DDIAS: variants seen among roughly 807,000 people sequenced by gnomAD.
The protein encoded by DDIAS is DNA damage-induced apoptosis suppressor protein.
Under a neutral mutation model 15.7 loss-of-function variants are expected in DDIAS, and 14 were observed. That is an observed-to-expected ratio of 0.89 (90% CI 0.59 to 1.39). DDIAS has a LOEUF of 1.39. Among genes scored for constraint, DDIAS ranks in the 40% most tolerant of loss-of-function variants. The pLI is 0.00. For synonymous variants in DDIAS, 355 were observed against 395.9 expected, an observed-to-expected ratio of 0.90 and a Z score of 1.23; for missense variants, 1,035 against 1,130.9, an observed-to-expected ratio of 0.92 and a Z score of 1.22.
intron 3 of DDIAS, among the ~76,000 whole-genome samples, chr11:82,915,575 G>T (rs1165207514): frequency 6.6e-6 from 1 of 152,188 alleles, no homozygotes; most frequent in African/African-American, 2.4e-5. Context: ...TAGACTCTAA[G>T]TAATCCTTGA....
rs1017281741 is a variant in DDIAS, at chr11:82,909,424, A to T, written c.-116-3863A>T. ...TGCCGACCTCATATCTTATCCTATG[A>T]CTTAGAATGCCTTAACCGTCTGGGA... On this transcript the variant is annotated intron_variant, in intron 1 of 5. Coordinates refer to ENST00000533655, the MANE Select transcript of DDIAS (RefSeq NM_145018.4). 4 of 152,136 alleles carry T rather than the reference A, an allele frequency of 2.6e-5. No individual in the cohort carries two copies. The East Asian group carries it at 7.7e-4, about 29-fold the overall frequency. 9.4% of individuals were successfully genotyped at this position (152,136 alleles called of 1,614,324 possible).
rs541845327 is a variant in DDIAS, at chr11:82,928,177, C to CTTTTTT, written c.114-566_114-561dup. Among the ~76,000 whole-genome samples the CTTTTTT allele has an allele frequency of 5.6e-3, 191 of 34,208 alleles. 47 individuals are homozygous for CTTTTTT. The highest frequency in any genetic ancestry group is 0.016 in the East Asian group (12 of 772). 22.4% of individuals were successfully genotyped at this position (34,208 alleles called of 152,430 possible). ...ATATTTTGAGATTATTTTTTGTCCT[C>CTTTTTT]TTTTTTTTTTTTTTTTTTTTTTTTT... On this transcript the variant is annotated intron_variant, in intron 3 of 5. Coordinates refer to ENST00000533655, the MANE Select transcript of DDIAS (RefSeq NM_145018.4).
At chr11:82,927,022 G>A (rs1161084275) in intron 3 of DDIAS, among the ~76,000 whole-genome samples, 1 of 152,120 alleles carries the variant, frequency 6.6e-6, no homozygotes, top group East Asian at 1.9e-4. Context: ...CGAGTTCACA[G>A]TCTTGGGTTT....
intron 4 of DDIAS, among the ~76,000 whole-genome samples, 190 bp downstream of exon 4, chr11:82,929,128 C>T (rs946035597): frequency 6.6e-6 from 1 of 152,076 alleles, no homozygotes; most frequent in Non-Finnish European, 1.5e-5. Flanking sequence ...AAACAGTCTC[C>T]TTTTATTTAG....
At chr11:82,921,200 T>C (rs12363138) in intron 3 of DDIAS, among the ~76,000 whole-genome samples, 36,491 of 152,140 alleles carry the variant, frequency 0.24, 4,769 homozygotes, top group Admixed American at 0.3. Flanking sequence ...CTACCCCTGC[T>C]TGGTGTCCAT....
At chr11:82,908,531 C>T (rs1565242865) in intron 1 of DDIAS, among the ~76,000 whole-genome samples, 1 of 152,160 alleles carries the variant, frequency 6.6e-6, no homozygotes, top group Non-Finnish European at 1.5e-5. Flanking sequence ...GACATAACAT[C>T]ATTTGTTATG....
chr11:82,919,585 T>C (rs1860701799), intron 3 of DDIAS, among the ~76,000 whole-genome samples: 1 of 152,176 alleles, frequency 6.6e-6, no homozygotes, highest in South Asian at 2.1e-4. Context: ...CTTTCCTGAT[T>C]TGGGTATTAG....
At chr11:82,910,349 C>T (rs1368545603) in intron 1 of DDIAS, among the ~76,000 whole-genome samples, 7 of 147,338 alleles carry the variant, frequency 4.8e-5, no homozygotes, top group Non-Finnish European at 7.4e-5. Flanking sequence ...GGCATGATCT[C>T]GGCTCACTGC....
chr11:82,930,013 A>T, intron 4 of DDIAS, 144 bp from the exon 5 acceptor site: 1 of 556,028 alleles, frequency 1.8e-6, no homozygotes, highest in Non-Finnish European at 3.1e-6. Context: ...ACTAGAGAGA[A>T]CAAACTGCCT....
intron 5 of DDIAS, 50 bp downstream of exon 5, chr11:82,930,324 A>G (rs1860956640): frequency 7.8e-7 from 1 of 1,281,778 alleles, no homozygotes; most frequent in East Asian, 2.3e-5. Flanking sequence ...TTTCCATTGT[A>G]ATGAATTATG....
chr11:82,919,906 T>C (rs1565246839), intron 3 of DDIAS, among the ~76,000 whole-genome samples: 1 of 152,172 alleles, frequency 6.6e-6, no homozygotes, highest in Non-Finnish European at 1.5e-5. Flanking sequence ...TTTGTATTTT[T>C]AGTAGACAGG....
rs193104139 is a variant in DDIAS at position 82,930,320 on chromosome 11, T to C, written c.393+46T>C. 113 of 1,314,008 alleles carry C rather than the reference T, an allele frequency of 8.6e-5. 3 individuals are homozygous for C. The Admixed American group carries it at 1.9e-3, about 22-fold the overall frequency. 81.4% of individuals were successfully genotyped at this position (1,314,008 alleles called of 1,614,324 possible). On this transcript the variant is annotated intron_variant, in intron 5 of 5. Coordinates refer to ENST00000533655, the MANE Select transcript of DDIAS (RefSeq NM_145018.4). ...TTTTAATAATCTGTTAACATTTCCA[T>C]TGTAATGAATTATGTGAATTTTCTA...
At position 82,934,273 on chromosome 11, in the gene DDIAS, G is replaced by GA. The variant is rs775872178; in HGVS notation, c.2940dup (p.Gly981ArgfsTer7). 24 of 1,612,130 alleles carry GA rather than the reference G, an allele frequency of 1.5e-5. No individual in the cohort carries two copies. Among genetic ancestry groups the GA allele is most frequent in the Non-Finnish European group, 1.9e-5 (23 of 1,179,566 alleles). Reference sequence around the variant, plus strand: ...AGTCAAATGTTGCCTTCCATTTTCAGAAAAAGGCCCACCTTCAGTGTGTGA... The same window carrying GA: ...AGTCAAATGTTGCCTTCCATTTTCAGAAAAAAGGCCCACCTTCAGTGTGTGA... On this transcript the variant is annotated frameshift_variant, in exon 6 of 6. Transcript: ENST00000533655. LOFTEE classifies it low-confidence loss of function (END_TRUNC).
At chr11:82,902,400 G>A (rs1314118429) in intron 1 of DDIAS, among the ~76,000 whole-genome samples, 1 of 104,058 alleles carries the variant, frequency 9.6e-6, no homozygotes, top group East Asian at 2.6e-4. Flanking sequence ...CCCCTCCCCC[G>A]CCGCCCCAGC....
Position 82,931,767 on chromosome 11 carries a change from C to T in DDIAS, c.429C>T (p.Ala143=). Reference sequence around the variant, plus strand: ...ACCAACCTGGACAAGGTTCAGATGCCAGTAACTTCTTACAGCAATGCTCTG... The same window carrying T: ...ACCAACCTGGACAAGGTTCAGATGCTAGTAACTTCTTACAGCAATGCTCTG... The part of the protein sequence containing the change: ...FENQPGQGSD[A]SNFLQQCSDH... The change falls in exon 6 of 6, where the codon GCC becomes GCT. Residue 143 remains alanine (A), a synonymous_variant. Transcript: ENST00000533655. 6.2e-7 allele frequency: 1 copy of T among 1,608,534 alleles called. No homozygotes were observed. The highest frequency in any genetic ancestry group is 1.1e-5 in the South Asian group (1 of 89,546).
intron 4 of DDIAS, among the ~76,000 whole-genome samples, chr11:82,929,778 G>A (rs986184328): frequency 6.6e-6 from 1 of 150,552 alleles, no homozygotes; most frequent in Admixed American, 6.6e-5. Context: ...AGAAATCTAT[G>A]TCCACATTTT....
chr11:82,926,733 A>G (rs1009422392), intron 3 of DDIAS, among the ~76,000 whole-genome samples: 47 of 152,222 alleles, frequency 3.1e-4, no homozygotes, highest in African/African-American at 9.9e-4. Context: ...TGATTTGTAT[A>G]CATATTAATG....
intron 3 of DDIAS, among the ~76,000 whole-genome samples, chr11:82,918,735 A>C (rs1043460739): frequency 1.3e-5 from 2 of 152,054 alleles, no homozygotes; most frequent in Non-Finnish European, 2.9e-5. Flanking sequence ...TGTGTTGTCT[A>C]TGATTTCTTT....
chr11:82,907,168 A>G (rs1453652372), intron 1 of DDIAS, among the ~76,000 whole-genome samples: 1 of 152,226 alleles, frequency 6.6e-6, no homozygotes, highest in Non-Finnish European at 1.5e-5. Context: ...AGAGAGAAGA[A>G]TGGAAAAAAG....
Sources: allele counts gnomAD v4.1 joint callset (sites outside exome capture counted in the v4.1 genomes callset), GRCh38; gene constraint gnomAD v4.1.1; transcripts MANE v1.5; gene names NCBI Gene and HGNC (gene_info 2026-07-23, HGNC 2026-07-21).